The following EPB41L3 variants were observed in gnomAD, a reference collection of about 807,000 sequenced individuals.
The protein encoded by EPB41L3 is band 4.1-like protein 3.
Under a neutral mutation model 127.1 loss-of-function variants are expected in EPB41L3, and 57 were observed. The observed-to-expected ratio is 0.45, with a 90% CI of 0.36 to 0.56. The LOEUF is 0.56. EPB41L3 is among the 20% of genes least tolerant of loss of function. The probability of loss-of-function intolerance (pLI) is 0.00; values close to 1 mark genes in which losing one functional copy is unlikely to be tolerated. For missense variants in EPB41L3, 1,273 were observed against 1,372.2 expected (o/e 0.93, Z 1.14); for synonymous variants, 572 against 549.5 (o/e 1.04, Z -0.57).
intron 3 of EPB41L3, among the ~76,000 whole-genome samples, chr18:5,583,417 C>T (rs1046157895): frequency 2.9e-4 from 44 of 152,184 alleles, no homozygotes; most frequent in African/African-American, 8.2e-4. Context: ...ACTCTTTAAC[C>T]GGAACCACAG....
Position 5,393,868 on chromosome 18 carries a change from C to T in EPB41L3, c.*7-390G>A, listed in dbSNP as rs189913051. ...ACATCACCAAGTTGTGCAAGTCGCTCGACTGCTGCATTCAGCATTCAAAGC... is the reference window on the plus strand; with the variant it reads ...ACATCACCAAGTTGTGCAAGTCGCTTGACTGCTGCATTCAGCATTCAAAGC... On this transcript the variant is annotated intron_variant, in intron 22 of 22. Coordinates refer to ENST00000341928, the MANE Select transcript of EPB41L3 (RefSeq NM_012307.5). The T allele has an allele frequency of 3.6e-3, 640 of 176,474 alleles. 8 individuals are homozygous for T. Among genetic ancestry groups the T allele is most frequent in the South Asian group, 6.1e-3 (50 of 8,170 alleles). The allele number at this position is 176,474 out of a possible 1,614,324, so 10.9% of individuals were successfully genotyped here. A position where few individuals can be genotyped will look rare whatever the true frequency, so the allele number is the denominator to read the frequency against.
chr18:5,488,582 G>GATAATAATA (rs765331687), intron 2 of EPB41L3, among the ~76,000 whole-genome samples: 46 of 148,932 alleles, frequency 3.1e-4, no homozygotes, highest in African/African-American at 7.0e-4. Flanking sequence ...TGATGATGAT[G>GATAATAATA]ATAATAATAA....
intron 15 of EPB41L3, 97 bp from the exon 16 acceptor site, chr18:5,407,065 G>T: frequency 8.2e-7 from 1 of 1,212,360 alleles, no homozygotes; most frequent in Non-Finnish European, 1.2e-6. Flanking sequence ...AATCTTATTA[G>T]TAGTCAAAAT....
At chr18:5,519,360 A>G (rs1482829886) in intron 1 of EPB41L3, among the ~76,000 whole-genome samples, 1 of 152,132 alleles carries the variant, frequency 6.6e-6, no homozygotes, top group African/African-American at 2.4e-5. Flanking sequence ...GTCCCTCTAC[A>G]CATCTTGGAC....
chr18:5,612,567 T>G (rs2094740072), intron 2 of EPB41L3: 1 of 152,266 alleles, frequency 6.6e-6, no homozygotes, highest in Non-Finnish European at 1.5e-5. Context: ...TTCATCTCAC[T>G]GCAGATATGC....
chr18:5,482,745 T>C (rs1403510032), intron 2 of EPB41L3, among the ~76,000 whole-genome samples: 2 of 152,102 alleles, frequency 1.3e-5, no homozygotes, highest in Admixed American at 6.5e-5. Flanking sequence ...TCTAAGAATA[T>C]TGCATCCAAC....
intron 15 of EPB41L3, chr18:5,407,195 G>T (rs1409938018): frequency 5.5e-6 from 3 of 541,276 alleles, no homozygotes; most frequent in African/African-American, 1.9e-5. Flanking sequence ...GATACCAAAA[G>T]AATTTTAGAA....
chr18:5,488,779 G>A, intron 2 of EPB41L3: 1 of 481,910 alleles, frequency 2.1e-6, no homozygotes, highest in Admixed American at 4.2e-5. Context: ...GGACTTCAGT[G>A]AGTTTCAGTG....
intron 3 of EPB41L3, among the ~76,000 whole-genome samples, chr18:5,553,002 G>A (rs1381610650): frequency 6.6e-6 from 1 of 152,166 alleles, no homozygotes; most frequent in Non-Finnish European, 1.5e-5. Context: ...TAACTTTAGA[G>A]TACAATAATA....
chr18:5,397,014 T>A lies in EPB41L3; in HGVS notation c.2841+44A>T. ...GATCTAAATTTCCAGGCATCCTATATCAGTTTTATTTTAGTGATAAAAGTA... is the reference window on the plus strand; with the variant it reads ...GATCTAAATTTCCAGGCATCCTATAACAGTTTTATTTTAGTGATAAAAGTA... On this transcript the variant is annotated intron_variant, in intron 18 of 22. Transcript: ENST00000341928. This position sits in a 1 kb window ranked among gnomAD's most constrained non-coding sequence, Gnocchi z 4.1. The A allele has an allele frequency of 6.5e-7, 1 of 1,526,884 alleles. No individual in the cohort carries two copies. 94.6% of individuals were successfully genotyped at this position (1,526,884 alleles called of 1,614,324 possible).
At chr18:5,576,997 T>G (rs1211689208) in intron 3 of EPB41L3, among the ~76,000 whole-genome samples, 1 of 57,596 alleles carries the variant, frequency 1.7e-5, no homozygotes, top group Non-Finnish European at 5.0e-5. Flanking sequence ...TCTGACGAAT[T>G]GGTCAGGCTG....
chr18:5,428,912 C>A (rs1320658774), intron 8 of EPB41L3, among the ~76,000 whole-genome samples: 2 of 152,194 alleles, frequency 1.3e-5, no homozygotes, highest in African/African-American at 4.8e-5. Flanking sequence ...CTGAACACAG[C>A]CTGGTTCCAG....
chr18:5,624,994 G>A (rs571146358), intron 1 of EPB41L3, among the ~76,000 whole-genome samples: 4 of 152,246 alleles, frequency 2.6e-5, no homozygotes, highest in Non-Finnish European at 4.4e-5. Context: ...TAGGGTGAGC[G>A]AAAGACAGAG....
intron 1 of EPB41L3, among the ~76,000 whole-genome samples, chr18:5,534,631 G>A (rs1363858366): frequency 1.3e-5 from 2 of 152,040 alleles, no homozygotes; most frequent in East Asian, 1.9e-4. Flanking sequence ...GTTTTGTGGT[G>A]GAATGTCACA....
intron 9 of EPB41L3, among the ~76,000 whole-genome samples, chr18:5,427,376 A>C (rs577621360): frequency 6.6e-6 from 1 of 152,324 alleles, no homozygotes; most frequent in African/African-American, 2.4e-5. Context: ...AGTAAATAAG[A>C]GTAGATATGT....
chr18:5,553,378 G>A (rs902845360), intron 3 of EPB41L3, among the ~76,000 whole-genome samples: 11 of 152,128 alleles, frequency 7.2e-5, no homozygotes, highest in Admixed American at 2.0e-4. Context: ...TGAGTAGCTT[G>A]TCTCAGGCCT....
At chr18:5,542,031 C>T (rs1032461323) in intron 1 of EPB41L3, among the ~76,000 whole-genome samples, 1 of 152,208 alleles carries the variant, frequency 6.6e-6, no homozygotes, top group Non-Finnish European at 1.5e-5. Flanking sequence ...GCTATCAATG[C>T]CTTGCAAATT....
rs563587828 is a variant in EPB41L3, at chr18:5,525,551, G to C, written c.-12+18362C>G. ...ATGGCTGCAATATTAGTAAGTTACT[G>C]AGCTGGGATTATATGTAGAGATTAT... is the stretch of plus-strand genomic sequence containing the variant. On this transcript the variant is annotated intron_variant, in intron 1 of 22. Transcript: ENST00000341928. Among the ~76,000 whole-genome samples, 6 of 152,274 alleles carry C rather than the reference G, an allele frequency of 3.9e-5. No homozygotes were observed. In the East Asian group the frequency reaches 9.6e-4, roughly 24 times the overall value.
At chr18:5,533,481 C>T (rs1301718741) in intron 1 of EPB41L3, among the ~76,000 whole-genome samples, 3 of 152,166 alleles carry the variant, frequency 2.0e-5, no homozygotes, top group Admixed American at 6.5e-5. Context: ...TGTCACTAAA[C>T]ATAGCAACAT....
Sources: allele counts gnomAD v4.1 joint callset (sites outside exome capture counted in the v4.1 genomes callset), GRCh38; gene constraint gnomAD v4.1.1; non-coding constraint Gnocchi (gnomAD v3.1); transcripts MANE v1.5; gene names NCBI Gene and HGNC (gene_info 2026-07-23, HGNC 2026-07-21).